The following UCHL1 variants were observed in gnomAD, a reference collection of about 807,000 sequenced individuals.
UCHL1 encodes ubiquitin C-terminal hydrolase L1.
Under a neutral mutation model 33.3 loss-of-function variants are expected in UCHL1, and 5 were observed. That is an observed-to-expected ratio of 0.15 (90% confidence interval 0.08 to 0.32). UCHL1 has a LOEUF of 0.32. Ranked by LOEUF, UCHL1 falls within the 10% of genes least tolerant of loss-of-function variation. UCHL1 has a pLI of 1.00. For synonymous variants in UCHL1, 132 were observed against 108.8 expected (o/e 1.21, Z -1.33); for missense variants, 236 against 280.0 (o/e 0.84, Z 1.12).
intron 3 of UCHL1, 67 bp downstream of exon 3, chr4:41,257,804 G>C (rs1298774115): frequency 1.3e-5 from 20 of 1,516,532 alleles, no homozygotes; most frequent in East Asian, 2.5e-5. Flanking sequence ...TTGAGTCCTC[G>C]GGGGCTCCCC....
chr4:41,265,971 A>T (rs1484589769), intron 8 of UCHL1, among the ~76,000 whole-genome samples: 1 of 152,190 alleles, frequency 6.6e-6, no homozygotes, highest in African/African-American at 2.4e-5. Context: ...CTTCCTAGTA[A>T]AGCTTTTAAG....
intron 3 of UCHL1, 46 bp downstream of exon 3, chr4:41,257,783 C>T: frequency 1.3e-6 from 2 of 1,535,880 alleles, no homozygotes; most frequent in Non-Finnish European, 1.7e-6. Context: ...CAGTGCACGC[C>T]GCTCCCCAGC....
intron 7 of UCHL1, 68 bp downstream of exon 7, chr4:41,263,359 A>G: frequency 6.9e-7 from 1 of 1,448,042 alleles, no homozygotes; most frequent in Non-Finnish European, 9.7e-7. Context: ...ATTTCTCTTG[A>G]TATATTGTGT....
chr4:41,257,526 C>T, intron 2 of UCHL1, 83 bp from the exon 3 acceptor site: 13 of 1,374,478 alleles, frequency 9.5e-6, no homozygotes, highest in Non-Finnish European at 1.2e-5. Flanking sequence ...GCGGAGGGCG[C>T]GCGCCTCCTG....
At chr4:41,265,820 A>G (rs1211375026) in intron 8 of UCHL1, among the ~76,000 whole-genome samples, 1 of 152,218 alleles carries the variant, frequency 6.6e-6, no homozygotes, top group African/African-American at 2.4e-5. Flanking sequence ...ATGTGGGAAT[A>G]GTAATATGGA....
rs534543488 is a variant in UCHL1 at position 41,265,444 on chromosome 4, G to T, written c.585+1283G>T. On this transcript the variant is annotated intron_variant, in intron 8 of 8. Coordinates refer to ENST00000284440, the MANE Select transcript of UCHL1 (RefSeq NM_004181.5). ...AATATAAAAATTAGCCAGACCTGGTGGTGCATTCCTGTAGTCCCAGCTGCT... is the reference window on the plus strand; with the variant it reads ...AATATAAAAATTAGCCAGACCTGGTTGTGCATTCCTGTAGTCCCAGCTGCT... Among the ~76,000 whole-genome samples, 140 of 152,254 alleles carry T rather than the reference G, an allele frequency of 9.2e-4. 1 individual carries two copies. The highest frequency in any genetic ancestry group is 3.3e-3 in the African/African-American group (136 of 41,554).
intron 8 of UCHL1, 52 bp from the exon 9 acceptor site, chr4:41,267,935 T>G: frequency 6.5e-7 from 1 of 1,533,286 alleles, no homozygotes; most frequent in Non-Finnish European, 9.0e-7. Context: ...CCTATGTGAC[T>G]TTCATTTTGA....
At chr4:41,264,784 C>T (rs912869289) in intron 8 of UCHL1, among the ~76,000 whole-genome samples, 1 of 152,076 alleles carries the variant, frequency 6.6e-6, no homozygotes, top group Non-Finnish European at 1.5e-5. Flanking sequence ...AATCAATTTG[C>T]TATTATAAAG....
rs540339088 is a variant in UCHL1 at position 41,264,229 on chromosome 4, G to A, written c.585+68G>A. The stretch of plus-strand genomic sequence containing the variant: ...CTTTGGCTAAATTTTCTATTCTAAA[G>A]TGCTAACACTCTTCCAGTATAGCCA... On this transcript the variant is annotated intron_variant, in intron 8 of 8. Coordinates refer to ENST00000284440, the MANE Select transcript of UCHL1 (RefSeq NM_004181.5). 5.4e-5 allele frequency: 86 copies of A among 1,592,408 alleles called. 1 individual carries two copies. In the East Asian group the frequency reaches 1.9e-3, roughly 34 times the overall value.
At chr4:41,257,831 T>C (rs1273921501) in intron 3 of UCHL1, 94 bp downstream of exon 3, 2 of 1,462,818 alleles carry the variant, frequency 1.4e-6, no homozygotes, top group East Asian at 5.2e-5. Flanking sequence ...CCCCCTCCCC[T>C]GTAGGTGATG....
chr4:41,263,327 T>C, intron 7 of UCHL1, 36 bp downstream of exon 7: 1 of 1,577,586 alleles, frequency 6.3e-7, no homozygotes, highest in Non-Finnish European at 8.7e-7. Context: ...CCAGTGTAGT[T>C]TCATGTGTTC....
At chr4:41,267,142 C>A (rs1781166383) in intron 8 of UCHL1, among the ~76,000 whole-genome samples, 1 of 152,146 alleles carries the variant, frequency 6.6e-6, no homozygotes, top group Admixed American at 6.5e-5. Context: ...TCATCTAGAT[C>A]TTAGAAGTAG....
In UCHL1 at chr4:41,258,732, G is replaced by A. The variant is rs6821822; in HGVS notation, c.174+995G>A. Among the ~76,000 whole-genome samples, 759 of 152,330 alleles carry A rather than the reference G, an allele frequency of 5.0e-3. 6 individuals carry two copies. Among genetic ancestry groups the A allele is most frequent in the African/African-American group, 0.017 (698 of 41,572 alleles). ...GAAGCATCTGTAGCCAAAATCAAGA[G>A]TATGGGAAGTTCCAAGCCTTCCTCC... On this transcript the variant is annotated intron_variant, in intron 3 of 8. Coordinates refer to ENST00000284440, the MANE Select transcript of UCHL1 (RefSeq NM_004181.5).
intron 6 of UCHL1, among the ~76,000 whole-genome samples, chr4:41,262,168 A>G (rs1781080579): frequency 6.6e-6 from 1 of 152,208 alleles, no homozygotes; most frequent in Non-Finnish European, 1.5e-5. Context: ...TTAGATCCAA[A>G]TGAGTCTTAT....
intron 8 of UCHL1, among the ~76,000 whole-genome samples, chr4:41,266,645 G>A (rs1781159320): frequency 6.6e-6 from 1 of 152,100 alleles, no homozygotes; most frequent in African/African-American, 2.4e-5. Context: ...TTTTGAGAAA[G>A]GGTCTCGCTG....
intron 8 of UCHL1, among the ~76,000 whole-genome samples, chr4:41,265,368 A>G (rs774106724): frequency 6.6e-6 from 1 of 152,184 alleles, no homozygotes; most frequent in Non-Finnish European, 1.5e-5. Flanking sequence ...GCTTGAGCTC[A>G]GGAGTTCAAG....
At position 41,268,286 on chromosome 4, in the gene UCHL1, TGAAGC is replaced by T. The variant is rs1467890909; in HGVS notation, c.*214_*218del. ...CCATTGTGGTGTGAGCTTCAGATGG[TGAAGC>T]ATTCTCCCCAGTGTATGTCTTGTAT... is the stretch of plus-strand genomic sequence containing the variant. On this transcript the variant is annotated 3_prime_UTR_variant, in exon 9 of 9. Transcript: ENST00000284440. The T allele has an allele frequency of 6.6e-6, 4 of 607,702 alleles. No individual in the cohort carries two copies. Among genetic ancestry groups the T allele is most frequent in the South Asian group, 3.9e-5 (2 of 51,624 alleles). The allele number at this position is 607,702 out of a possible 1,614,324, so 37.6% of individuals were successfully genotyped here.
chr4:41,260,503 C>G, intron 3 of UCHL1, 144 bp from the exon 4 acceptor site: 3 of 1,023,774 alleles, frequency 2.9e-6, no homozygotes, highest in Non-Finnish European at 4.4e-6. Context: ...ACGGGCCCTT[C>G]TCTGGGAGTC....
chr4:41,266,876 G>A (rs1781163051), intron 8 of UCHL1, among the ~76,000 whole-genome samples: 1 of 152,196 alleles, frequency 6.6e-6, no homozygotes, highest in Admixed American at 6.5e-5. Context: ...AAAGTGCTGA[G>A]ATTGCAGGCC....
Sources: allele counts gnomAD v4.1 joint callset (sites outside exome capture counted in the v4.1 genomes callset), GRCh38; gene constraint gnomAD v4.1.1; transcripts MANE v1.5; gene names NCBI Gene and HGNC (gene_info 2026-07-23, HGNC 2026-07-21).